Variants in CTSC observed in about 807,000 individuals in gnomAD.
CTSC encodes cathepsin C.
Under a neutral mutation model 40.9 loss-of-function variants are expected in CTSC, and 37 were observed. The ratio of observed to expected loss-of-function variants is 0.91; its 90% CI spans 0.70 to 1.19. The LOEUF is 1.19. Among genes scored for constraint, CTSC ranks in the 50% most tolerant of loss-of-function variants. CTSC has a pLI of 0.00. For missense variants in CTSC, 594 were observed against 567.3 expected (o/e 1.05, Z -0.48); for synonymous variants, 232 against 207.4 (o/e 1.12, Z -1.02).
At chr11:88,300,387 T>C (rs1591222236) in intron 5 of CTSC, 143 bp downstream of exon 5, 2 of 646,356 alleles carry the variant, frequency 3.1e-6, no homozygotes, top group East Asian at 5.6e-5. Context: ...GAAAGAATAA[T>C]TCATAGGCCA....
chr11:88,296,101 C>T, intron 6 of CTSC, 32 bp downstream of exon 6: 2 of 1,611,864 alleles, frequency 1.2e-6, no homozygotes, highest in Non-Finnish European at 1.7e-6. Flanking sequence ...AGGTAAATAG[C>T]TCATAAATGG....
At chr11:88,328,010 T>C (rs901099158) in intron 2 of CTSC, 1 of 803,250 alleles carries the variant, frequency 1.2e-6, no homozygotes, top group Non-Finnish European at 2.2e-6. Flanking sequence ...ATCTCTCCAG[T>C]CACCCTCTGA....
At position 88,312,299 on chromosome 11, in the gene CTSC, T is replaced by TA. The variant is rs1189734518; in HGVS notation, c.485+88dup. The TA allele has an allele frequency of 4.8e-6, 6 of 1,238,200 alleles. No individual in the cohort carries two copies. The East Asian group carries it at 1.4e-4, about 29-fold the overall frequency. The allele number at this position is 1,238,200 out of a possible 1,614,324, so 76.7% of individuals were successfully genotyped here. ...ATTTCTAAGCCAAAGATATTTTGTA[T>TA]AATCAAACTAAAATTCCAAAAATGT... On this transcript the variant is annotated intron_variant, in intron 3 of 6. Coordinates refer to ENST00000227266, the MANE Select transcript of CTSC (RefSeq NM_001814.6).
At position 88,293,807 on chromosome 11, in the gene CTSC, G is replaced by A; in HGVS notation, c.*199C>T. On this transcript the variant is annotated 3_prime_UTR_variant, in exon 7 of 7. Coordinates refer to ENST00000227266, the MANE Select transcript of CTSC (RefSeq NM_001814.6). ...TCTTCCAGAAAATTCCCACTTAATT[G>A]AATACTTAGAAAAAAATGGCCAGTG... is the stretch of plus-strand genomic sequence containing the variant. The A allele has an allele frequency of 1.6e-6, 1 of 632,984 alleles. No homozygotes were observed. The highest frequency in any genetic ancestry group is 2.7e-6 in the Non-Finnish European group (1 of 363,656). The allele number at this position is 632,984 out of a possible 1,614,324, so 39.2% of individuals were successfully genotyped here. A position where few individuals can be genotyped will look rare whatever the true frequency, so the allele number is the denominator to read the frequency against.
chr11:88,300,292 A>G (rs1202031810), intron 5 of CTSC, among the ~76,000 whole-genome samples: 1 of 152,212 alleles, frequency 6.6e-6, no homozygotes, highest in Non-Finnish European at 1.5e-5. Context: ...AGCTACCTGG[A>G]AAATATATTG....
At chr11:88,335,108 T>C (rs992239233) in intron 1 of CTSC, 26 bp from the exon 2 acceptor site, 1 of 1,457,946 alleles carries the variant, frequency 6.9e-7, no homozygotes, top group Non-Finnish European at 9.5e-7. Context: ...AAAAGCACAA[T>C]AAAGGAAAAT....
In CTSC at chr11:88,337,624, A is replaced by AG. The variant is rs1938541026; in HGVS notation, c.48dup (p.Ser17LeufsTer18). ...TCGCAGCGCACGGCGCCGTCGCCGG[A>AG]GAGAAGCAGCAGGAGGGCGGCGAGC... On this transcript the variant is annotated frameshift_variant, in exon 1 of 7. Coordinates refer to ENST00000227266, the MANE Select transcript of CTSC (RefSeq NM_001814.6). LOFTEE classifies it high-confidence loss of function. 6.3e-7 allele frequency: 1 copy of AG among 1,584,036 alleles called. No individual in the cohort carries two copies. Among genetic ancestry groups the AG allele is most frequent in the Non-Finnish European group, 8.6e-7 (1 of 1,164,582 alleles).
Position 88,309,155 on chromosome 11 carries a change from T to C in CTSC, c.641+8A>G, listed in dbSNP as rs754068012. ...TTTTTATTAATGATAAAATGTGTGC[T>C]TGATTACCTTGGGATTTTTCGACTG... is the stretch of plus-strand genomic sequence containing the variant. On this transcript the variant is annotated splice_region_variant and intron_variant, in intron 4 of 6. Transcript: ENST00000227266. 17 of 1,612,822 alleles carry C rather than the reference T, an allele frequency of 1.1e-5. No homozygotes were observed. Among genetic ancestry groups the C allele is most frequent in the Admixed American group, 5.0e-5 (3 of 59,974 alleles).
chr11:88,303,042 T>A (rs935976651), intron 4 of CTSC, among the ~76,000 whole-genome samples: 1 of 152,206 alleles, frequency 6.6e-6, no homozygotes, highest in Admixed American at 6.5e-5. Context: ...GATGTATAAA[T>A]AAAAACTAAG....
In CTSC at chr11:88,294,382, C is replaced by T. The variant is rs565001276; in HGVS notation, c.1016G>A (p.Arg339His). ...ATAGTGGTACTCAGAGGAGTAATAA[C>T]GAAAGCAGTCTTCCTTCATTTTGCA... ...SPCKMKEDCF[R>H]YYSSEYHYVG... The change falls in exon 7 of 7, where the codon CGT becomes CAT. Residue 339 changes from arginine to histidine, a missense_variant. Physicochemically the swap from Arg to His is conservative, Grantham distance 29 (BLOSUM62 0). Transcript: ENST00000227266. 3 of 1,614,116 alleles carry T rather than the reference C, an allele frequency of 1.9e-6. No individual in the cohort carries two copies. Among genetic ancestry groups the T allele is most frequent in the East Asian group, 2.2e-5 (1 of 44,876 alleles).
chr11:88,320,866 C>T (rs1210200318), intron 2 of CTSC: 2 of 828,564 alleles, frequency 2.4e-6, no homozygotes, highest in Non-Finnish European at 2.9e-6. Context: ...TATTATTGGT[C>T]ATATATCGTG....
rs959513524 is a variant in CTSC at position 88,325,906 on chromosome 11, C to T, written c.318+9031G>A. 8 of 989,074 alleles carry T rather than the reference C, an allele frequency of 8.1e-6. No homozygotes were observed. In the African/African-American group the frequency reaches 1.2e-4, roughly 15 times the overall value. The allele number at this position is 989,074 out of a possible 1,614,324, so 61.3% of individuals were successfully genotyped here. A position where few individuals can be genotyped will look rare whatever the true frequency, so the allele number is the denominator to read the frequency against. ...AGAGATCCAAGGGCCTTATTTTCTC[C>T]TTACAACAGGCTCTTGGGTTCCTCA... On this transcript the variant is annotated intron_variant, in intron 2 of 6. Coordinates refer to ENST00000227266, the MANE Select transcript of CTSC (RefSeq NM_001814.6).
chr11:88,337,307 A>C (rs1041914106), intron 1 of CTSC, among the ~76,000 whole-genome samples, 194 bp downstream of exon 1: 1 of 152,222 alleles, frequency 6.6e-6, no homozygotes, highest in African/African-American at 2.4e-5. Context: ...GTGGAGTTAG[A>C]AGTTCTCAGC....
At chr11:88,310,840 T>C (rs867067157) in intron 3 of CTSC, among the ~76,000 whole-genome samples, 12 of 152,196 alleles carry the variant, frequency 7.9e-5, no homozygotes, top group African/African-American at 2.4e-4. Context: ...TTTGAGATAT[T>C]TTCCCACAAC....
intron 5 of CTSC, chr11:88,298,546 T>C (rs1944322802): frequency 6.6e-6 from 1 of 152,186 alleles, no homozygotes; most frequent in Non-Finnish European, 1.5e-5. Context: ...ATTGGCAAAG[T>C]TGGTGGGAAT....
intron 3 of CTSC, among the ~76,000 whole-genome samples, chr11:88,309,814 GCA>G (rs71470765): frequency 0.026 from 3,150 of 118,888 alleles, 64 homozygotes; most frequent in African/African-American, 0.069. Flanking sequence ...ATGTATGCGC[GCA>G]CACACACACA....
chr11:88,330,050 C>G (rs1938307299), intron 2 of CTSC, among the ~76,000 whole-genome samples: 1 of 152,114 alleles, frequency 6.6e-6, no homozygotes. Context: ...TGCAAATTTG[C>G]TAAAGTGTGC....
At chr11:88,313,627 T>C (rs1937817117) in intron 2 of CTSC, among the ~76,000 whole-genome samples, 1 of 152,144 alleles carries the variant, frequency 6.6e-6, no homozygotes, top group South Asian at 2.1e-4. Context: ...CCAGGATGAC[T>C]GTGTAGCATG....
intron 2 of CTSC, among the ~76,000 whole-genome samples, chr11:88,329,724 G>A (rs1324396336): frequency 6.6e-6 from 1 of 152,120 alleles, no homozygotes; most frequent in Admixed American, 6.6e-5. Context: ...CATTGTGTGT[G>A]TGTGTGTTTT....
Sources: gnomAD v4.1 joint callset for allele counts (sites outside exome capture counted in the v4.1 genomes callset) on GRCh38, gnomAD v4.1.1 for gene constraint, MANE v1.5 for transcripts, NCBI Gene and HGNC (gene_info 2026-07-23, HGNC 2026-07-21) for gene names.